The following KDM6A variants were observed in gnomAD, a reference collection of about 807,000 sequenced individuals.
The protein encoded by KDM6A is lysine-specific demethylase 6A.
In KDM6A, 11 loss-of-function variants were observed where a neutral mutation model predicts 117.6. The observed-to-expected ratio is 0.09, with a 90% CI of 0.06 to 0.15. KDM6A has a LOEUF of 0.15. Ranked by LOEUF, KDM6A falls within the 10% of genes least tolerant of loss-of-function variation. KDM6A has a pLI of 1.00. For missense variants in KDM6A, 799 were observed against 1,077.3 expected (o/e 0.74, Z 3.62); for synonymous variants, 384 against 396.1 (o/e 0.97, Z 0.36).
In KDM6A at chrX:45,089,872, T is replaced by C. The variant is rs138989066; in HGVS notation, c.3834T>C (p.His1278=). The stretch of plus-strand genomic sequence containing the variant: ...TCTGGATAAATGCAGGCACTGTTCA[T>C]TGGGTTCAGGCTATTGGCTGGTGCA... The part of the protein sequence containing the change: ...DLVWINAGTV[H]WVQAIGWCNN... Residue 1278 remains histidine (H), a synonymous_variant, in exon 26 of 30, where the codon CAT becomes CAC. Transcript: ENST00000611820. 879 of 1,209,634 alleles carry C rather than the reference T, an allele frequency of 7.3e-4. 8 individuals are homozygous for C. In the African/African-American group the frequency reaches 0.014, roughly 19 times the overall value.
intron 4 of KDM6A, among the ~76,000 whole-genome samples, chrX:44,979,181 C>T (rs1434152769): frequency 8.9e-6 from 1 of 112,358 alleles, no homozygotes; most frequent in Admixed American, 9.4e-5. Flanking sequence ...TTCCAACCAG[C>T]AGTGAATGAG....
At chrX:44,887,533 T>C (rs2032990343) in intron 2 of KDM6A, among the ~76,000 whole-genome samples, 2 of 111,309 alleles carry the variant, frequency 1.8e-5, no homozygotes, top group Admixed American at 1.9e-4. Context: ...CACATAGTTT[T>C]GTGGTGTTCC....
intron 3 of KDM6A, among the ~76,000 whole-genome samples, chrX:44,969,733 G>C (rs1001121782): frequency 1.8e-5 from 2 of 111,325 alleles, no homozygotes; most frequent in African/African-American, 6.5e-5. Context: ...TTTGTCTTTT[G>C]TGGGTTGAAT....
intron 23 of KDM6A, among the ~76,000 whole-genome samples, chrX:45,083,254 T>C (rs1157338022): frequency 1.8e-5 from 2 of 112,240 alleles, no homozygotes; most frequent in African/African-American, 6.5e-5. Flanking sequence ...TTTTTTCTTT[T>C]ATTGGTGAAT....
At chrX:45,092,799 A>G (rs943930146) in intron 27 of KDM6A, among the ~76,000 whole-genome samples, 7 of 111,544 alleles carry the variant, frequency 6.3e-5, no homozygotes, top group Non-Finnish European at 1.1e-4. Context: ...GCCCTGAATA[A>G]TGAGATGAAA....
In KDM6A at chrX:44,873,615, G is replaced by GA; in HGVS notation, c.68dup (p.Lys24GlufsTer41). Reference sequence around the variant, plus strand: ...TGCCGCCGCCGCTTTCGGTGATGAGGAAAAGAAAATGGCGGCGGGAAAAGC... The same window carrying GA: ...TGCCGCCGCCGCTTTCGGTGATGAGGAAAAAGAAAATGGCGGCGGGAAAAGC... On this transcript the variant is annotated frameshift_variant, in exon 1 of 30. Transcript: ENST00000611820. LOFTEE classifies it high-confidence loss of function. The GA allele has an allele frequency of 8.3e-7, 1 of 1,204,844 alleles. No homozygotes were observed. Among genetic ancestry groups the GA allele is most frequent in the Non-Finnish European group, 1.1e-6 (1 of 892,168 alleles).
chrX:44,972,231 T>G (rs776180055), intron 3 of KDM6A, among the ~76,000 whole-genome samples: 6 of 110,749 alleles, frequency 5.4e-5, no homozygotes, highest in Non-Finnish European at 1.1e-4. Flanking sequence ...CTATATATGG[T>G]TTAAAGACTA....
At chrX:44,969,097 G>A (rs2039187802) in intron 3 of KDM6A, among the ~76,000 whole-genome samples, 2 of 111,307 alleles carry the variant, frequency 1.8e-5, no homozygotes, top group African/African-American at 6.5e-5. Flanking sequence ...AAAATTAGAG[G>A]AGTGTAATAA....
chrX:45,007,385 C>T (rs953711779), intron 4 of KDM6A, among the ~76,000 whole-genome samples: 3 of 111,118 alleles, frequency 2.7e-5, no homozygotes, highest in African/African-American at 9.8e-5. Context: ...CTTTAAAGGG[C>T]ACCCACTTTT....
At chrX:45,053,712 TA>T in intron 9 of KDM6A, 116 bp from the exon 10 acceptor site, 1 of 603,631 alleles carries the variant, frequency 1.7e-6, no homozygotes, top group Non-Finnish European at 2.7e-6. Context: ...TACTCCAAAC[TA>T]AATTAATAAA....
chrX:45,084,278 G>A (rs1344706069), intron 24 of KDM6A, among the ~76,000 whole-genome samples: 1 of 111,867 alleles, frequency 8.9e-6, no homozygotes, highest in African/African-American at 3.3e-5. Flanking sequence ...ATCCAGTACT[G>A]AAGTACCATC....
intron 8 of KDM6A, 34 bp from the exon 9 acceptor site, chrX:45,051,675 A>C: frequency 2.4e-6 from 2 of 837,211 alleles, no homozygotes; most frequent in Non-Finnish European, 3.6e-6. Context: ...AGATTATGTT[A>C]ATTTTTCTCC....
At chrX:44,950,803 C>CT (rs1312879243) in intron 2 of KDM6A, among the ~76,000 whole-genome samples, 1 of 110,461 alleles carries the variant, frequency 9.1e-6, no homozygotes, top group African/African-American at 3.3e-5. Context: ...ATCTTTTATT[C>CT]TTTAATTCAT....
intron 4 of KDM6A, among the ~76,000 whole-genome samples, chrX:44,996,255 T>C (rs1403311601): frequency 1.8e-5 from 2 of 109,378 alleles, no homozygotes; most frequent in Non-Finnish European, 3.8e-5. Context: ...AAGTTTTTTG[T>C]AGAGAATGAG....
intron 4 of KDM6A, among the ~76,000 whole-genome samples, chrX:44,982,951 C>T (rs1045663640): frequency 8.9e-6 from 1 of 111,759 alleles, no homozygotes; most frequent in Non-Finnish European, 1.9e-5. Flanking sequence ...GGAAATGCTT[C>T]ATAATATGAA....
chrX:44,937,792 C>A (rs1046831285), intron 2 of KDM6A, among the ~76,000 whole-genome samples: 7 of 111,917 alleles, frequency 6.3e-5, no homozygotes, highest in South Asian at 3.7e-4. Context: ...TGAGGAAGGT[C>A]AAGATAGAAG....
In KDM6A at chrX:44,910,331, C is replaced by T. The variant is rs182234963; in HGVS notation, c.225+36344C>T. On this transcript the variant is annotated intron_variant, in intron 2 of 29. Coordinates refer to ENST00000611820, the MANE Select transcript of KDM6A (RefSeq NM_001291415.2). Reference sequence around the variant, plus strand: ...CCTCCGAGTAGCTGGGACTCACAGCCGTATGACACCATGCCCGGCTAATTT... The same window carrying T: ...CCTCCGAGTAGCTGGGACTCACAGCTGTATGACACCATGCCCGGCTAATTT... Among the ~76,000 whole-genome samples, 20 of 111,394 alleles carry T rather than the reference C, an allele frequency of 1.8e-4. 1 individual carries two copies. In the South Asian group the frequency reaches 7.1e-3, roughly 40 times the overall value.
At chrX:44,908,944 TGTTGAA>T (rs2034904365) in intron 2 of KDM6A, among the ~76,000 whole-genome samples, 1 of 112,386 alleles carries the variant, frequency 8.9e-6, no homozygotes, top group South Asian at 3.7e-4. Context: ...TAAGGAAACT[TGTTGAA>T]GTGTAACATG....
chrX:45,085,166 C>CA (rs1165755497), intron 24 of KDM6A, among the ~76,000 whole-genome samples: 5 of 111,315 alleles, frequency 4.5e-5, no homozygotes, highest in Non-Finnish European at 9.4e-5. Context: ...AAATGTTGGG[C>CA]AAAAAACATT....
Sources: allele counts gnomAD v4.1 joint callset (sites outside exome capture counted in the v4.1 genomes callset), GRCh38; gene constraint gnomAD v4.1.1; transcripts MANE v1.5; gene names NCBI Gene and HGNC (gene_info 2026-07-23, HGNC 2026-07-21).